Variants in PLCL1 observed in about 807,000 individuals in gnomAD.
The protein encoded by PLCL1 is inactive phospholipase C-like protein 1.
In PLCL1, 41 loss-of-function variants were observed where a neutral mutation model predicts 84.4. The observed-to-expected ratio is 0.49, with a 90% CI of 0.38 to 0.63. The LOEUF (loss-of-function observed/expected upper bound fraction) is 0.63. PLCL1 is among the 30% of genes least tolerant of loss of function. PLCL1 has a pLI of 0.00. For missense variants in PLCL1, 1,206 were observed against 1,367.8 expected (o/e 0.88, Z 1.87); for synonymous variants, 490 against 488.3 (o/e 1.00, Z -0.05).
chr2:197,919,145 T>C (rs1182845632), intron 1 of PLCL1, among the ~76,000 whole-genome samples: 4 of 152,116 alleles, frequency 2.6e-5, no homozygotes, highest in Admixed American at 2.6e-4. Flanking sequence ...AATATTGAAA[T>C]GAACATGCAA....
intron 1 of PLCL1, among the ~76,000 whole-genome samples, chr2:198,028,869 C>G (rs1222080854): frequency 6.6e-6 from 1 of 152,152 alleles, no homozygotes; most frequent in Non-Finnish European, 1.5e-5. Context: ...ACCACCCCCA[C>G]TTTCTGTTTT....
intron 1 of PLCL1, among the ~76,000 whole-genome samples, chr2:197,918,969 C>CTCTCTCTCT (rs1369678298): frequency 2.8e-4 from 41 of 146,966 alleles, no homozygotes; most frequent in Middle Eastern, 3.4e-3. Flanking sequence ...TCTCTCTCTC[C>CTCTCTCTCT]CTCACACACA....
At chr2:197,833,928 A>G (rs1474655624) in intron 1 of PLCL1, among the ~76,000 whole-genome samples, 1 of 152,230 alleles carries the variant, frequency 6.6e-6, no homozygotes, top group African/African-American at 2.4e-5. Flanking sequence ...CTACAAGGCC[A>G]CAGTAACCAA....
rs1199836810 is a variant in PLCL1, at chr2:198,085,773, A to G, written c.2256A>G (p.Ile752Met). 13 of 1,613,820 alleles carry G rather than the reference A, an allele frequency of 8.1e-6. No homozygotes were observed. Among genetic ancestry groups the G allele is most frequent in the Non-Finnish European group, 1.1e-5 (13 of 1,179,806 alleles). Residue 752 changes from isoleucine (I) to methionine (M), a missense_variant, in exon 2 of 6, where the codon ATA (isoleucine) becomes ATG (methionine). Physicochemically the swap from Ile to Met is conservative, Grantham distance 10. Coordinates refer to ENST00000428675, the MANE Select transcript of PLCL1 (RefSeq NM_006226.4). The surrounding 1 kb of genome is among the most constrained non-coding windows in gnomAD (Gnocchi z 5.3). ...ATGTCATAGATCCCTATGTTTGTAT[A>G]GAGATACACGGAATTCCAGCGGATT... ...KGDVIDPYVCIEIHGIPADCS... is the reference protein window; with the variant it reads ...KGDVIDPYVCMEIHGIPADCS...
At chr2:198,140,776 C>A (rs1214332293) in intron 5 of PLCL1, among the ~76,000 whole-genome samples, 1 of 152,130 alleles carries the variant, frequency 6.6e-6, no homozygotes, top group Non-Finnish European at 1.5e-5. Flanking sequence ...AAAGTGTCTT[C>A]TATACTTTAT....
At chr2:197,876,268 T>C (rs1427061895) in intron 1 of PLCL1, among the ~76,000 whole-genome samples, 3 of 152,118 alleles carry the variant, frequency 2.0e-5, no homozygotes, top group African/African-American at 7.2e-5. Context: ...CCACAGTGTT[T>C]TGTGGAAAAT....
chr2:197,852,465 G>A (rs1461034768), intron 1 of PLCL1, among the ~76,000 whole-genome samples: 1 of 152,188 alleles, frequency 6.6e-6, no homozygotes, highest in Non-Finnish European at 1.5e-5. Context: ...GAGATAGGAA[G>A]CACTTAATAT....
At chr2:197,848,617 A>C (rs770081696) in intron 1 of PLCL1, among the ~76,000 whole-genome samples, 17 of 152,224 alleles carry the variant, frequency 1.1e-4, no homozygotes, top group Non-Finnish European at 7.3e-5. Flanking sequence ...AAAATAAACA[A>C]AACATTTTGT....
chr2:198,020,707 A>G (rs1691113365), intron 1 of PLCL1, among the ~76,000 whole-genome samples: 1 of 152,204 alleles, frequency 6.6e-6, no homozygotes, highest in South Asian at 2.1e-4. Context: ...ACTAGCCTAA[A>G]TATATATGCA....
At chr2:197,830,007 A>T (rs1210732731) in intron 1 of PLCL1, among the ~76,000 whole-genome samples, 1 of 152,216 alleles carries the variant, frequency 6.6e-6, no homozygotes, top group East Asian at 1.9e-4. Context: ...CCTCTTAAAT[A>T]TAAAGATGAA....
chr2:198,058,811 A>G (rs908668264), intron 1 of PLCL1, among the ~76,000 whole-genome samples: 5 of 152,072 alleles, frequency 3.3e-5, no homozygotes, highest in Non-Finnish European at 5.9e-5. Context: ...ATTTTATTCT[A>G]TTTCATTCCA....
intron 1 of PLCL1, among the ~76,000 whole-genome samples, chr2:197,855,886 T>C (rs1687323007): frequency 6.6e-6 from 1 of 152,134 alleles, no homozygotes; most frequent in Admixed American, 6.6e-5. Context: ...TAACCTCTGC[T>C]TCTCAGTCAG....
Position 197,805,472 on chromosome 2 carries a change from T to C in PLCL1, c.240+133T>C. ...CTCCCACCTCCTTCAACGCCAAACC[T>C]TCCTTCCTTATCCGGAGGTTCCCAG... On this transcript the variant is annotated intron_variant, in intron 1 of 5. Coordinates refer to ENST00000428675, the MANE Select transcript of PLCL1 (RefSeq NM_006226.4). This position sits in a 1 kb window ranked among gnomAD's most constrained non-coding sequence, Gnocchi z 4.0. The C allele has an allele frequency of 1.2e-6, 1 of 854,830 alleles. No individual in the cohort carries two copies. The highest frequency in any genetic ancestry group is 1.6e-6 in the Non-Finnish European group (1 of 641,954). 53.0% of individuals were successfully genotyped at this position (854,830 alleles called of 1,614,324 possible).
rs142713268 is a variant in PLCL1, at chr2:197,902,495, A to G, written c.240+97156A>G. ...TCACAGGAGGACATCAAGGAGAACA[A>G]AGAGCTACAGCTATACAGGAAAAAG... On this transcript the variant is annotated intron_variant, in intron 1 of 5. Coordinates refer to ENST00000428675, the MANE Select transcript of PLCL1 (RefSeq NM_006226.4). Among the ~76,000 whole-genome samples, 1,059 of 152,322 alleles carry G rather than the reference A, an allele frequency of 7.0e-3. 8 individuals are homozygous for G. Among genetic ancestry groups the G allele is most frequent in the African/African-American group, 0.024 (1,011 of 41,558 alleles).
At chr2:198,070,030 G>T (rs1340131742) in intron 1 of PLCL1, among the ~76,000 whole-genome samples, 2 of 152,132 alleles carry the variant, frequency 1.3e-5, no homozygotes, top group Non-Finnish European at 2.9e-5. Context: ...CAAATTTGTA[G>T]TTACATATCT....
intron 1 of PLCL1, among the ~76,000 whole-genome samples, chr2:197,906,397 C>A (rs899638598): frequency 2.0e-5 from 3 of 150,540 alleles, no homozygotes; most frequent in African/African-American, 7.3e-5. Flanking sequence ...TTTCTGAGTT[C>A]TCTGTTCTGT....
chr2:198,031,531 C>T (rs73058883), intron 1 of PLCL1, among the ~76,000 whole-genome samples: 30,181 of 151,756 alleles, frequency 0.2, 3,076 homozygotes, highest in East Asian at 0.26. Context: ...CCTTCTGCCA[C>T]CCATGCTGGA....
At chr2:197,879,481 A>AT (rs1009913819) in intron 1 of PLCL1, among the ~76,000 whole-genome samples, 3 of 152,180 alleles carry the variant, frequency 2.0e-5, no homozygotes, top group Non-Finnish European at 4.4e-5. Flanking sequence ...GAATTTGATG[A>AT]TAAAAAATGG....
At chr2:198,025,299 A>G (rs1443571349) in intron 1 of PLCL1, among the ~76,000 whole-genome samples, 2 of 152,146 alleles carry the variant, frequency 1.3e-5, no homozygotes, top group East Asian at 3.8e-4. Flanking sequence ...ATAAGATAAT[A>G]ATATGAATAT....
Sources: gnomAD v4.1 joint callset for allele counts (sites outside exome capture counted in the v4.1 genomes callset) on GRCh38, gnomAD v4.1.1 for gene constraint, Gnocchi (gnomAD v3.1) non-coding constraint, MANE v1.5 for transcripts, NCBI Gene and HGNC (gene_info 2026-07-23, HGNC 2026-07-21) for gene names.